Variants in ECPAS observed in about 807,000 individuals in gnomAD.
ECPAS encodes the protein proteasome adapter and scaffold protein ECM29.
ECPAS carries 70 observed loss-of-function variants against 255.1 expected under a neutral mutation model. The observed-to-expected ratio is 0.27, with a 90% confidence interval of 0.23 to 0.33. The LOEUF is 0.33. ECPAS is among the 10% of genes least tolerant of loss of function. The pLI, the probability that ECPAS is intolerant of heterozygous loss-of-function variation, is 1.00. For synonymous variants in ECPAS, 784 were observed against 775.0 expected (o/e 1.01, Z -0.19); for missense variants, 1,817 against 2,206.4 (o/e 0.82, Z 3.54).
At chr9:111,454,695 A>G (rs1439753012) in intron 2 of ECPAS, among the ~76,000 whole-genome samples, 1 of 151,668 alleles carries the variant, frequency 6.6e-6, no homozygotes. Context: ...TATAACTGCT[A>G]TATTTTTCTT....
At chr9:111,479,516 C>T (rs2098300902) in intron 1 of ECPAS, among the ~76,000 whole-genome samples, 1 of 151,966 alleles carries the variant, frequency 6.6e-6, no homozygotes, top group Non-Finnish European at 1.5e-5. Flanking sequence ...TCACTTGAAC[C>T]CAGGATGTGG....
intron 13 of ECPAS, 78 bp downstream of exon 13, chr9:111,423,121 C>G (rs1023415625): frequency 6.2e-6 from 6 of 963,282 alleles, no homozygotes; most frequent in Admixed American, 2.3e-5. Context: ...CAAATTTATT[C>G]TCCGCCATTA....
At chr9:111,448,509 C>T (rs542848022) in intron 3 of ECPAS, among the ~76,000 whole-genome samples, 1 of 152,224 alleles carries the variant, frequency 6.6e-6, no homozygotes, top group Non-Finnish European at 1.5e-5. Context: ...ATTATTAAAA[C>T]TGAAAGAAAA....
chr9:111,361,046 T>G lies in ECPAS; in HGVS notation c.*984A>C, dbSNP rs1196100811. 1 of 152,218 alleles carries G rather than the reference T, an allele frequency of 6.6e-6. No homozygotes were observed. Among genetic ancestry groups the G allele is most frequent in the Non-Finnish European group, 1.5e-5 (1 of 68,044 alleles). The allele number at this position is 152,218 out of a possible 1,614,324, so 9.4% of individuals were successfully genotyped here. On this transcript the variant is annotated 3_prime_UTR_variant, in exon 50 of 50. Coordinates refer to ENST00000684092, the MANE Select transcript of ECPAS (RefSeq NM_001364929.1). ...ATCATGTTCTTTTGAGAAAAGGCAT[T>G]TTTTAAAAGAGTAATTCCCAGGTGG...
At chr9:111,431,920 G>T (rs1409815906) in intron 8 of ECPAS, among the ~76,000 whole-genome samples, 1 of 152,152 alleles carries the variant, frequency 6.6e-6, no homozygotes, top group Non-Finnish European at 1.5e-5. Flanking sequence ...TAATCCTCAA[G>T]CTCCGCCGTT....
In ECPAS at chr9:111,378,701, C is replaced by T. The variant is rs187233731; in HGVS notation, c.3833G>A (p.Ser1278Asn). ...SINTLVKISKSAGAMLKPHAP... is the reference protein window; with the variant it reads ...SINTLVKISKNAGAMLKPHAP... ...ATGCGGTTTCAACATGGCTCCTGCACTTTTGCTGATCTTCACAAGGGTGTT... is the reference window on the plus strand; with the variant it reads ...ATGCGGTTTCAACATGGCTCCTGCATTTTTGCTGATCTTCACAAGGGTGTT... The change falls in exon 36 of 50, where the codon AGT (serine) becomes AAT (asparagine). Residue 1278 changes from serine (S) to asparagine (N), a missense_variant. By Grantham distance (46) the Ser-to-Asn change is conservative. This residue lies in a region of ECPAS where 960 missense variants were observed against 1,179.0 expected (regional missense o/e 0.81). Coordinates refer to ENST00000684092, the MANE Select transcript of ECPAS (RefSeq NM_001364929.1). 5.1e-5 allele frequency: 83 copies of T among 1,613,562 alleles called. No individual in the cohort carries two copies. In the African/African-American group the frequency reaches 1.1e-3, roughly 21 times the overall value.
chr9:111,393,919 A>G (rs1414880729), intron 26 of ECPAS, among the ~76,000 whole-genome samples, 185 bp from the exon 27 acceptor site: 1 of 152,182 alleles, frequency 6.6e-6, no homozygotes, highest in Non-Finnish European at 1.5e-5. Context: ...GTAGTCTAAC[A>G]CATGCAAGCT....
At chr9:111,444,575 T>G in intron 3 of ECPAS, 81 bp from the exon 4 acceptor site, 1 of 931,870 alleles carries the variant, frequency 1.1e-6, no homozygotes. Context: ...TATCAGATGT[T>G]ATCTATGTTA....
At position 111,375,159 on chromosome 9, in the gene ECPAS, G is replaced by A. The variant is rs1353299692; in HGVS notation, c.4064C>T (p.Pro1355Leu). Residue 1355 changes from proline (P) to leucine (L), a missense_variant, in exon 38 of 50, where the codon CCT (proline) becomes CTT (leucine). Pro to Leu is a moderately conservative substitution (Grantham distance 98). This residue lies in a region of ECPAS where 960 missense variants were observed against 1,179.0 expected (regional missense o/e 0.81). Coordinates refer to ENST00000684092, the MANE Select transcript of ECPAS (RefSeq NM_001364929.1). ...ACTTCTGATCAGTTCACACAACCTA[G>A]GAACTAGCTCGCCCAGCACTGACAC... ...LDVSVLGELV[P>L]RLCELIRSGV... 2.5e-6 allele frequency: 4 copies of A among 1,613,708 alleles called. No homozygotes were observed.
intron 1 of ECPAS, among the ~76,000 whole-genome samples, chr9:111,476,479 T>C (rs1434676042): frequency 6.6e-6 from 1 of 152,042 alleles, no homozygotes; most frequent in African/African-American, 2.4e-5. Flanking sequence ...ATTTACAAAC[T>C]AGATTTCAGA....
chr9:111,478,633 G>A (rs2098299609), intron 1 of ECPAS, among the ~76,000 whole-genome samples: 2 of 152,272 alleles, frequency 1.3e-5, no homozygotes, highest in South Asian at 2.1e-4. Flanking sequence ...ACTGAAAGTT[G>A]CAGATTTCAT....
At chr9:111,442,159 A>G (rs2131904411) in intron 5 of ECPAS, 147 bp downstream of exon 5, 1 of 534,312 alleles carries the variant, frequency 1.9e-6, no homozygotes, top group Admixed American at 3.6e-5. Flanking sequence ...GGTAACTTTG[A>G]GGTACCACGG....
In ECPAS at chr9:111,392,828, T is replaced by C. The variant is rs760752225; in HGVS notation, c.3032A>G (p.Asn1011Ser). The change falls in exon 28 of 50, where the codon AAT (asparagine) becomes AGT (serine). Residue 1011 changes from asparagine (N) to serine (S), a missense_variant. Around this residue, in one of 4 missense-constraint regions of ECPAS, gnomAD observed 960 missense variants for 1,179.0 expected, o/e 0.81. Coordinates refer to ENST00000684092, the MANE Select transcript of ECPAS (RefSeq NM_001364929.1). Reference protein sequence around the residue: ...KGLGLVYELGNEQDQQELVST... With the variant: ...KGLGLVYELGSEQDQQELVST... ...AACCAATTCCTGTTGATCTTGTTCA[T>C]TGCCTAGTTCATAAACCAACCCAAG... 5.1e-5 allele frequency: 82 copies of C among 1,613,700 alleles called. No individual in the cohort carries two copies. Among genetic ancestry groups the C allele is most frequent in the Non-Finnish European group, 6.6e-5 (78 of 1,179,792 alleles).
chr9:111,473,191 A>G (rs1336389061), intron 1 of ECPAS, among the ~76,000 whole-genome samples, 191 bp from the exon 2 acceptor site: 1 of 152,190 alleles, frequency 6.6e-6, no homozygotes, highest in Admixed American at 6.6e-5. Context: ...CACAAACCAA[A>G]TTTACTGAGA....
chr9:111,420,192 T>A, intron 15 of ECPAS, 72 bp from the exon 16 acceptor site: 1 of 976,918 alleles, frequency 1.0e-6, no homozygotes, highest in Non-Finnish European at 1.6e-6. Context: ...TACCAGCCAT[T>A]CATTCCAATC....
chr9:111,372,466 A>G lies in ECPAS; in HGVS notation c.4491T>C (p.Cys1497=), dbSNP rs1277682218. 1.2e-6 allele frequency: 2 copies of G among 1,613,888 alleles called. No homozygotes were observed. Among genetic ancestry groups the G allele is most frequent in the Non-Finnish European group, 1.7e-6 (2 of 1,179,796 alleles). ...CCTGCCACACTTCGGTCCATAAATT[A>G]CATTCTTCTTTTTCGGATTTCTCCT... ...ADEEKSEKEE[C]NLWTEVWQEN... The change falls in exon 42 of 50, where the codon TGT becomes TGC. Residue 1497 remains cysteine (C), a synonymous_variant. Transcript: ENST00000684092.
chr9:111,442,681 T>C (rs185323777), intron 4 of ECPAS, among the ~76,000 whole-genome samples: 16 of 152,326 alleles, frequency 1.1e-4, no homozygotes, highest in Admixed American at 4.6e-4. Context: ...CATTCATATA[T>C]GCAATTTCTT....
chr9:111,413,330 C>T (rs1398599097), intron 20 of ECPAS, among the ~76,000 whole-genome samples: 1 of 152,140 alleles, frequency 6.6e-6, no homozygotes, highest in Admixed American at 6.5e-5. Flanking sequence ...AAAGAAGATG[C>T]TCTCTCCATA....
chr9:111,463,395 T>C (rs928736323), intron 2 of ECPAS, among the ~76,000 whole-genome samples: 1 of 152,190 alleles, frequency 6.6e-6, no homozygotes, highest in Non-Finnish European at 1.5e-5. Flanking sequence ...AAACTCAATA[T>C]TGCAAAGATG....
Sources: gnomAD v4.1 joint callset for allele counts (sites outside exome capture counted in the v4.1 genomes callset) on GRCh38, gnomAD v4.1.1 for gene constraint, gnomAD v4.1.1 regional missense constraint, MANE v1.5 for transcripts, NCBI Gene and HGNC (gene_info 2026-07-23, HGNC 2026-07-21) for gene names.